The following COL25A1 variants were observed in gnomAD, a reference collection of about 807,000 sequenced individuals.
COL25A1 encodes collagen alpha-1(XXV) chain.
In COL25A1, 103 loss-of-function variants were observed where a neutral mutation model predicts 128.4. The observed-to-expected ratio is 0.80, with a 90% CI of 0.68 to 0.94. The LOEUF (loss-of-function observed/expected upper bound fraction) is 0.94. Among genes scored for constraint, COL25A1 ranks in the 40% least tolerant of loss-of-function variants. The probability of loss-of-function intolerance (pLI) is 0.00; values close to 1 mark genes in which losing one functional copy is unlikely to be tolerated. For missense variants in COL25A1, 745 were observed against 840.0 expected (o/e 0.89, Z 1.40); for synonymous variants, 279 against 277.2 (o/e 1.01, Z -0.06).
At chr4:109,127,701 G>T (rs1297841462) in intron 3 of COL25A1, among the ~76,000 whole-genome samples, 7 of 151,968 alleles carry the variant, frequency 4.6e-5, no homozygotes, top group Admixed American at 2.6e-4. Context: ...CAAACTCGAG[G>T]GGCTAAGTGG....
chr4:108,898,848 G>A (rs968882550), intron 15 of COL25A1, among the ~76,000 whole-genome samples: 2 of 152,036 alleles, frequency 1.3e-5, no homozygotes, highest in Non-Finnish European at 2.9e-5. Context: ...TATTTGTTCT[G>A]AAGGTACATC....
chr4:109,128,443 T>TG (rs1768846335), intron 3 of COL25A1, among the ~76,000 whole-genome samples: 1 of 152,198 alleles, frequency 6.6e-6, no homozygotes, highest in African/African-American at 2.4e-5. Context: ...CTATGACCTG[T>TG]GGGTCCCTGC....
intron 3 of COL25A1, among the ~76,000 whole-genome samples, chr4:109,104,380 T>A (rs1766201621): frequency 7.4e-6 from 1 of 135,598 alleles, no homozygotes; most frequent in South Asian, 2.5e-4. Context: ...CTCAAAAAAA[T>A]AAATAAATAA....
intron 3 of COL25A1, among the ~76,000 whole-genome samples, chr4:109,050,486 T>C (rs891847087): frequency 2.6e-5 from 4 of 152,148 alleles, no homozygotes; most frequent in Non-Finnish European, 5.9e-5. Context: ...AGAAAATTGG[T>C]AGTTGAGTTT....
chr4:109,144,852 T>A (rs1266711922), intron 3 of COL25A1, among the ~76,000 whole-genome samples: 1 of 152,196 alleles, frequency 6.6e-6, no homozygotes, highest in Non-Finnish European at 1.5e-5. Context: ...GACATTTATT[T>A]GTAAAAAGGA....
intron 3 of COL25A1, among the ~76,000 whole-genome samples, chr4:109,138,647 T>C (rs1209908651): frequency 5.3e-5 from 8 of 152,194 alleles, no homozygotes; most frequent in Non-Finnish European, 1.0e-4. Flanking sequence ...CTCCAGCATC[T>C]GTTGTTTCCT....
intron 3 of COL25A1, among the ~76,000 whole-genome samples, chr4:109,126,136 GT>G (rs893803294): frequency 6.6e-6 from 1 of 151,798 alleles, no homozygotes; most frequent in Non-Finnish European, 1.5e-5. Flanking sequence ...ATGGAAAGAG[GT>G]TTTTTTTAAA....
chr4:108,972,916 A>C (rs1472544083), intron 8 of COL25A1, among the ~76,000 whole-genome samples: 1 of 152,200 alleles, frequency 6.6e-6, no homozygotes, highest in Non-Finnish European at 1.5e-5. Context: ...GCCTAGCTTT[A>C]TAATCAATCA....
At chr4:108,925,631 G>T (rs1287745287) in intron 11 of COL25A1, among the ~76,000 whole-genome samples, 1 of 152,158 alleles carries the variant, frequency 6.6e-6, no homozygotes, top group Non-Finnish European at 1.5e-5. Flanking sequence ...AAAATTTACA[G>T]AAATGAATAA....
intron 33 of COL25A1, among the ~76,000 whole-genome samples, chr4:108,825,430 A>G (rs775957046): frequency 1.3e-5 from 2 of 152,158 alleles, no homozygotes; most frequent in Non-Finnish European, 2.9e-5. Context: ...AAATAGATTA[A>G]TATTTTGCTG....
intron 3 of COL25A1, among the ~76,000 whole-genome samples, chr4:109,257,362 CAG>C (rs1781148959): frequency 6.6e-6 from 1 of 152,100 alleles, no homozygotes; most frequent in Admixed American, 6.5e-5. Context: ...ATGCTTAAAA[CAG>C]AAAGATAATT....
chr4:109,181,968 G>T (rs1289903356), intron 3 of COL25A1, among the ~76,000 whole-genome samples: 2 of 151,968 alleles, frequency 1.3e-5, no homozygotes, highest in African/African-American at 4.8e-5. Flanking sequence ...TTCTGTGCCT[G>T]CATTATTTCA....
intron 5 of COL25A1, among the ~76,000 whole-genome samples, chr4:109,019,339 T>TAC (rs10633719): frequency 2.9e-5 from 1 of 34,364 alleles, no homozygotes; most frequent in African/African-American, 3.5e-4. Context: ...CATGTGTGTA[T>TAC]ACACACACAT....
rs1778773024 is a variant in COL25A1 at position 109,225,964 on chromosome 4, T to A, written c.367+74619A>T. On this transcript the variant is annotated intron_variant, in intron 3 of 37. Transcript: ENST00000399132. ...TATAAATATATGCATACTATTGTAA[T>A]GAAATACAATAGTATTCCGTTGTAT... Among the ~76,000 whole-genome samples, 4 of 150,140 alleles carry A rather than the reference T, an allele frequency of 2.7e-5. No individual in the cohort carries two copies. The South Asian group carries it at 8.4e-4, about 31-fold the overall frequency.
intron 3 of COL25A1, among the ~76,000 whole-genome samples, chr4:109,094,643 T>C (rs1765237671): frequency 6.6e-6 from 1 of 152,306 alleles, no homozygotes; most frequent in South Asian, 2.1e-4. Context: ...TAGCCGACTA[T>C]CAACTTAATC....
At chr4:109,146,553 G>A (rs566409077) in intron 3 of COL25A1, among the ~76,000 whole-genome samples, 2 of 152,318 alleles carry the variant, frequency 1.3e-5, no homozygotes, top group East Asian at 3.9e-4. Flanking sequence ...AAATAATAAG[G>A]AGTAATTTGC....
chr4:108,952,877 A>G (rs1560923395), intron 8 of COL25A1, among the ~76,000 whole-genome samples: 1 of 118,464 alleles, frequency 8.4e-6, no homozygotes, highest in Non-Finnish European at 1.6e-5. Flanking sequence ...ATGCTGGGAG[A>G]GAAAGCATAA....
At chr4:109,257,057 T>C (rs1781131005) in intron 3 of COL25A1, among the ~76,000 whole-genome samples, 1 of 152,202 alleles carries the variant, frequency 6.6e-6, no homozygotes, top group African/African-American at 2.4e-5. Context: ...AGATAAGTAC[T>C]TTTCACAATA....
chr4:108,865,181 AT>A (rs1223533732), intron 20 of COL25A1, among the ~76,000 whole-genome samples: 1 of 152,214 alleles, frequency 6.6e-6, no homozygotes, highest in African/African-American at 2.4e-5. Flanking sequence ...AACATTTAGA[AT>A]TCAGACTGTT....
Sources: gnomAD v4.1 joint callset for allele counts (sites outside exome capture counted in the v4.1 genomes callset) on GRCh38, gnomAD v4.1.1 for gene constraint, MANE v1.5 for transcripts, NCBI Gene and HGNC (gene_info 2026-07-23, HGNC 2026-07-21) for gene names.